The following LUZP2 variants were observed in gnomAD, a reference collection of about 807,000 sequenced individuals.
The protein encoded by LUZP2 is leucine zipper protein 2.
Under a neutral mutation model 51.6 loss-of-function variants are expected in LUZP2, and 52 were observed. That is an observed-to-expected ratio of 1.01 (90% confidence interval 0.81 to 1.27). The LOEUF (loss-of-function observed/expected upper bound fraction) is 1.27. LUZP2 is among the 50% of genes most tolerant of loss of function. The pLI is 0.00. For missense variants in LUZP2, 436 were observed against 395.4 expected (o/e 1.10, Z -0.87); for synonymous variants, 154 against 137.3 (o/e 1.12, Z -0.85).
At chr11:24,800,847 AT>A (rs201139164) in intron 5 of LUZP2, among the ~76,000 whole-genome samples, 15 of 152,012 alleles carry the variant, frequency 9.9e-5, no homozygotes, top group African/African-American at 3.1e-4. Flanking sequence ...TGCAAATGGC[AT>A]TTTTTTTGTT....
rs16912830 is a variant in LUZP2 at position 24,562,321 on chromosome 11, G to A, written c.62+65016G>A. ...CAGAGAATTGAAACTATAACATCTTGTCCTATGGGTCAAGATTCTAGACTG... is the reference window on the plus strand; with the variant it reads ...CAGAGAATTGAAACTATAACATCTTATCCTATGGGTCAAGATTCTAGACTG... On this transcript the variant is annotated intron_variant, in intron 1 of 11. Transcript: ENST00000336930. Among the ~76,000 whole-genome samples, 362 of 152,082 alleles carry A rather than the reference G, an allele frequency of 2.4e-3. 12 individuals carry two copies. In the East Asian group the frequency reaches 0.056, roughly 24 times the overall value.
chr11:24,991,805 T>C (rs1341503271), intron 9 of LUZP2, among the ~76,000 whole-genome samples: 1 of 152,106 alleles, frequency 6.6e-6, no homozygotes, highest in Non-Finnish European at 1.5e-5. Context: ...TTGAATCGCA[T>C]TTCCCTGATC....
intron 8 of LUZP2, among the ~76,000 whole-genome samples, chr11:24,982,338 A>T (rs1590801348): frequency 6.6e-6 from 1 of 151,852 alleles, no homozygotes; most frequent in South Asian, 2.1e-4. Context: ...ATTCACAATA[A>T]CAAAGACATA....
intron 7 of LUZP2, among the ~76,000 whole-genome samples, chr11:24,954,063 C>A (rs1281760775): frequency 6.6e-6 from 1 of 151,830 alleles, no homozygotes; most frequent in African/African-American, 2.4e-5. Context: ...CTTTTCCCTG[C>A]CACTCAGTAA....
intron 7 of LUZP2, 42 bp downstream of exon 7, chr11:24,914,580 A>C: frequency 3.9e-5 from 49 of 1,254,734 alleles, no homozygotes; most frequent in Non-Finnish European, 5.3e-5. Flanking sequence ...TTGCTAGCTC[A>C]ATACCTAAAA....
At chr11:24,642,183 C>T (rs566800180) in intron 1 of LUZP2, among the ~76,000 whole-genome samples, 20 of 151,828 alleles carry the variant, frequency 1.3e-4, no homozygotes, top group African/African-American at 3.6e-4. Context: ...CCACCTCGCC[C>T]GGCCAGAAGT....
At chr11:24,920,460 G>A (rs921098019) in intron 7 of LUZP2, among the ~76,000 whole-genome samples, 1 of 151,834 alleles carries the variant, frequency 6.6e-6, no homozygotes, top group African/African-American at 2.4e-5. Context: ...CCCCCAAAAA[G>A]AAATAATTAA....
At chr11:24,632,831 T>C (rs963700181) in intron 1 of LUZP2, among the ~76,000 whole-genome samples, 1 of 152,006 alleles carries the variant, frequency 6.6e-6, no homozygotes, top group Non-Finnish European at 1.5e-5. Flanking sequence ...TTGTCAGATA[T>C]ATGCATCTTG....
At chr11:24,967,697 A>C (rs1451915269) in intron 7 of LUZP2, among the ~76,000 whole-genome samples, 17 of 151,684 alleles carry the variant, frequency 1.1e-4, no homozygotes, top group Admixed American at 9.2e-4. Context: ...TTCTTTTTAG[A>C]ATTTTCATTT....
intron 1 of LUZP2, among the ~76,000 whole-genome samples, chr11:24,602,197 T>TGCAA (rs1238242479): frequency 2.8e-5 from 2 of 71,846 alleles, no homozygotes; most frequent in African/African-American, 9.3e-5. Flanking sequence ...TGTATATATG[T>TGCAA]ACATATATGT....
chr11:24,962,638 G>A (rs559757969), intron 7 of LUZP2, among the ~76,000 whole-genome samples: 3 of 152,144 alleles, frequency 2.0e-5, no homozygotes, highest in Non-Finnish European at 4.4e-5. Context: ...GCACTTCTCT[G>A]TATTGATTAT....
intron 1 of LUZP2, among the ~76,000 whole-genome samples, chr11:24,590,279 C>T (rs1853214465): frequency 6.6e-6 from 1 of 152,022 alleles, no homozygotes; most frequent in Non-Finnish European, 1.5e-5. Context: ...AAATTATTTA[C>T]TTTTTAAATT....
intron 5 of LUZP2, among the ~76,000 whole-genome samples, chr11:24,774,332 TTCTCTC>T (rs374302170): frequency 2.9e-4 from 12 of 41,920 alleles, no homozygotes; most frequent in South Asian, 1.2e-3. Context: ...CTTAGTAAAC[TTCTCTC>T]TCTCTCTCTC....
At chr11:24,959,454 T>A (rs1855325584) in intron 7 of LUZP2, among the ~76,000 whole-genome samples, 1 of 152,180 alleles carries the variant, frequency 6.6e-6, no homozygotes, top group Non-Finnish European at 1.5e-5. Context: ...GTAGTTCTCC[T>A]TGAAGAGGTC....
At chr11:25,045,872 T>A (rs1858290194) in intron 9 of LUZP2, among the ~76,000 whole-genome samples, 1 of 152,166 alleles carries the variant, frequency 6.6e-6, no homozygotes, top group Non-Finnish European at 1.5e-5. Context: ...AAAATACTGA[T>A]CTTTACCAAT....
At chr11:25,073,210 G>A (rs1165439710) in intron 10 of LUZP2, among the ~76,000 whole-genome samples, 4 of 152,292 alleles carry the variant, frequency 2.6e-5, no homozygotes, top group African/African-American at 9.6e-5. Context: ...TTGCTTTAAA[G>A]AGCCTTGCAC....
intron 9 of LUZP2, among the ~76,000 whole-genome samples, chr11:25,019,546 A>T (rs1176852885): frequency 2.0e-5 from 3 of 152,086 alleles, no homozygotes; most frequent in Non-Finnish European, 4.4e-5. Context: ...TGATTTAAAC[A>T]TCTGCCTTAT....
At chr11:24,562,303 T>C (rs1227520915) in intron 1 of LUZP2, among the ~76,000 whole-genome samples, 1 of 152,088 alleles carries the variant, frequency 6.6e-6, no homozygotes, top group African/African-American at 2.4e-5. Context: ...GAACAGAGAA[T>C]TGAAACTATA....
At chr11:24,503,288 A>G (rs568840780) in intron 1 of LUZP2, among the ~76,000 whole-genome samples, 1 of 152,342 alleles carries the variant, frequency 6.6e-6, no homozygotes, top group Admixed American at 6.5e-5. Flanking sequence ...GAATGTGTTG[A>G]CAATGACATC....
Sources: allele counts gnomAD v4.1 joint callset (sites outside exome capture counted in the v4.1 genomes callset), GRCh38; gene constraint gnomAD v4.1.1; transcripts MANE v1.5; gene names NCBI Gene and HGNC (gene_info 2026-07-23, HGNC 2026-07-21).